EXTL3: variants seen among roughly 807,000 people sequenced by gnomAD.
EXTL3 encodes exostosin like glycosyltransferase 3.
A neutral mutation model predicts 69.3 loss-of-function variants in EXTL3; 27 were observed. That is an observed-to-expected ratio of 0.39 (90% CI 0.29 to 0.54). The LOEUF (loss-of-function observed/expected upper bound fraction) is 0.54. Among genes scored for constraint, EXTL3 ranks in the 20% least tolerant of loss-of-function variants. The probability of loss-of-function intolerance (pLI) is 0.69; values close to 1 mark genes in which losing one functional copy is unlikely to be tolerated. For synonymous variants in EXTL3, 511 were observed against 499.4 expected, an observed-to-expected ratio of 1.02 and a Z score of -0.31; for missense variants, 1,003 against 1,231.8, an observed-to-expected ratio of 0.81 and a Z score of 2.78.
At chr8:28,618,654 G>A (rs1468363796), upstream of EXTL3, among the ~76,000 whole-genome samples, 1 of 152,142 alleles carries the variant, frequency 6.6e-6, no homozygotes, top group African/African-American at 2.4e-5. Flanking sequence ...TCCAAAAAGT[G>A]TGGGGGATTT....
chr8:28,613,883 A>C lies in EXTL3; in HGVS notation n.314+6125A>C, dbSNP rs548625564. ...TTAGAGACAGGGTCTCACTTGGTGCAGTCATAGCTCACTGCGGCCTTGACC... is the reference window on the plus strand; with the variant it reads ...TTAGAGACAGGGTCTCACTTGGTGCCGTCATAGCTCACTGCGGCCTTGACC... On this transcript the variant is annotated intron_variant and non_coding_transcript_variant, in intron 2 of 4. Transcript: ENST00000522725. Among the ~76,000 whole-genome samples the C allele has an allele frequency of 3.0e-3, 461 of 151,656 alleles. 1 individual carries two copies. Among genetic ancestry groups the C allele is most frequent in the Non-Finnish European group, 5.7e-3 (389 of 67,956 alleles).
At chr8:28,710,562 T>A in intron 1 of EXTL3, 11 of 437,974 alleles carry the variant, frequency 2.5e-5, no homozygotes, top group South Asian at 1.8e-4. Context: ...GTGTTAAGTA[T>A]TTTTATGTCT....
rs1180063827 is a variant in EXTL3 at position 28,626,982 on chromosome 8, A to C, written c.-53+4172A>C. 2.6e-5 allele frequency among the ~76,000 whole-genome samples: 4 copies of C among 151,644 alleles called. No individual in the cohort carries two copies. The East Asian group carries it at 7.8e-4, about 30-fold the overall frequency. On this transcript the variant is annotated intron_variant, in intron 1 of 6. Transcript: ENST00000523149. ...CAGATCACGAGGTCAGGAGATCGAGACCATCCTGGCTAACACGGTGAAACC... is the reference window on the plus strand; with the variant it reads ...CAGATCACGAGGTCAGGAGATCGAGCCCATCCTGGCTAACACGGTGAAACC...
At chr8:28,755,924 C>T (rs907187522), downstream of EXTL3, among the ~76,000 whole-genome samples, 2 of 152,132 alleles carry the variant, frequency 1.3e-5, no homozygotes, top group Non-Finnish European at 2.9e-5. Context: ...CGCCTTGGAG[C>T]GTCCCATCTA....
At chr8:28,687,538 T>C (rs1807597008) in intron 1 of EXTL3, among the ~76,000 whole-genome samples, 1 of 152,174 alleles carries the variant, frequency 6.6e-6, no homozygotes. Context: ...AATGATTTAG[T>C]TAATAGTCTC....
intron 1 of EXTL3, among the ~76,000 whole-genome samples, chr8:28,671,486 T>G (rs1249410457): frequency 1.3e-5 from 2 of 151,746 alleles, no homozygotes; most frequent in Non-Finnish European, 2.9e-5. Flanking sequence ...ATTACAGGTG[T>G]GTGCCACCAT....
At chr8:28,657,710 C>T (rs1461789870) in intron 1 of EXTL3, among the ~76,000 whole-genome samples, 2 of 151,940 alleles carry the variant, frequency 1.3e-5, no homozygotes, top group African/African-American at 4.8e-5. Flanking sequence ...TTGGAAAGCA[C>T]ATCAAAGCAT....
At chr8:28,747,718 TTTTC>T (rs1421670576) in intron 6 of EXTL3, among the ~76,000 whole-genome samples, 3 of 144,768 alleles carry the variant, frequency 2.1e-5, no homozygotes, top group African/African-American at 7.7e-5. Context: ...TATATGTATT[TTTTC>T]TTTTTCTTTT....
At chr8:28,713,785 A>G (rs1321850109) in intron 2 of EXTL3, among the ~76,000 whole-genome samples, 4 of 151,934 alleles carry the variant, frequency 2.6e-5, no homozygotes, top group East Asian at 1.9e-4. Context: ...ATTATCATCA[A>G]CTTTAGGTCT....
At chr8:28,692,003 G>C (rs182999452) in intron 1 of EXTL3, among the ~76,000 whole-genome samples, 27 of 152,286 alleles carry the variant, frequency 1.8e-4, no homozygotes. Context: ...ACAAGGCTCA[G>C]CATGTGCTTT....
chr8:28,611,863 C>T (rs774945454), intron 2 of EXTL3, among the ~76,000 whole-genome samples: 20 of 152,296 alleles, frequency 1.3e-4, no homozygotes, highest in African/African-American at 3.4e-4. Flanking sequence ...CGAGTCTGTT[C>T]GCTGCGATGC....
rs1209716217 is a variant in EXTL3, at chr8:28,716,718, C to G, written c.659C>G (p.Ala220Gly). ...LDPLVKQAFQ[A>G]TARANVYVTE... ...CCCTTGGTCAAGCAGGCTTTTCAGGCGACAGCACGAGCTAACGTTTATGTT... is the reference window on the plus strand; with the variant it reads ...CCCTTGGTCAAGCAGGCTTTTCAGGGGACAGCACGAGCTAACGTTTATGTT... The change falls in exon 3 of 7, where the codon GCG (alanine) becomes GGG (glycine). Residue 220 changes from alanine to glycine, a missense_variant. Physicochemically the swap from Ala to Gly is moderately conservative, Grantham distance 60. Transcript: ENST00000220562. This position sits in a 1 kb window ranked among gnomAD's most constrained non-coding sequence, Gnocchi z 7.1. The G allele has an allele frequency of 6.2e-7, 1 of 1,614,080 alleles. No individual in the cohort carries two copies. Among genetic ancestry groups the G allele is most frequent in the Non-Finnish European group, 8.5e-7 (1 of 1,180,046 alleles).
At chr8:28,649,511 A>C (rs774541777) in intron 1 of EXTL3, among the ~76,000 whole-genome samples, 11 of 151,352 alleles carry the variant, frequency 7.3e-5, no homozygotes, top group Non-Finnish European at 1.5e-4. Flanking sequence ...GGCCATTTGC[A>C]CCTCCTCCTT....
chr8:28,739,204 T>C (rs1476660980), intron 5 of EXTL3, among the ~76,000 whole-genome samples: 2 of 152,250 alleles, frequency 1.3e-5, no homozygotes, highest in Non-Finnish European at 2.9e-5. Context: ...AGGTAAACTT[T>C]TCCCAGGAAA....
upstream of EXTL3, among the ~76,000 whole-genome samples, chr8:28,622,223 C>G (rs1317471443): frequency 6.6e-6 from 1 of 152,250 alleles, no homozygotes; most frequent in Non-Finnish European, 1.5e-5. Flanking sequence ...GCTGTTTTCG[C>G]GTTTCCTTAT....
At chr8:28,639,902 A>G (rs149986048) in intron 1 of EXTL3, among the ~76,000 whole-genome samples, 5,138 of 152,324 alleles carry the variant, frequency 0.034, 239 homozygotes, top group African/African-American at 0.11. Context: ...CAGGAGTTCT[A>G]GACCAGCCCA....
At chr8:28,704,191 C>T (rs1352859978) in intron 1 of EXTL3, among the ~76,000 whole-genome samples, 1 of 151,234 alleles carries the variant, frequency 6.6e-6, no homozygotes, top group Admixed American at 6.6e-5. Flanking sequence ...TTCCCTCTCC[C>T]ACAGTTAGGC....
rs1255027968 is a variant in EXTL3 at position 28,716,266 on chromosome 8, G to C, written c.207G>C (p.Val69=). The C allele has an allele frequency of 6.2e-7, 1 of 1,614,180 alleles. No individual in the cohort carries two copies. The highest frequency in any genetic ancestry group is 1.3e-5 in the African/African-American group (1 of 75,060). Residue 69 remains valine (V), a synonymous_variant, in exon 3 of 7, where the codon GTG becomes GTC. Coordinates refer to ENST00000220562, the MANE Select transcript of EXTL3 (RefSeq NM_001440.4). The surrounding 1 kb of genome is among the most constrained non-coding windows in gnomAD (Gnocchi z 7.1). ...GCAAGCGGATTTTTGGTCCCCGGGT[G>C]GGGAACGAGCTGTGCGAGGTGAAGC... ...EAGKRIFGPR[V]GNELCEVKHV... is the part of the protein sequence containing the mutation.
intron 1 of EXTL3, among the ~76,000 whole-genome samples, chr8:28,652,763 G>A (rs1242267416): frequency 1.3e-5 from 2 of 151,950 alleles, no homozygotes; most frequent in Non-Finnish European, 2.9e-5. Context: ...TTAATGATTA[G>A]CAATGTTGAG....
Sources: allele counts gnomAD v4.1 joint callset (sites outside exome capture counted in the v4.1 genomes callset), GRCh38; gene constraint gnomAD v4.1.1; non-coding constraint Gnocchi (gnomAD v3.1); transcripts MANE v1.5; gene names NCBI Gene and HGNC (gene_info 2026-07-23, HGNC 2026-07-21).